Variants in MAST4 observed in about 807,000 individuals in gnomAD.
MAST4 encodes the protein microtubule associated serine/threonine kinase family member 4, also known as microtubule-associated serine/threonine-protein kinase 4.
MAST4 carries 89 observed loss-of-function variants against 162.7 expected under a neutral mutation model. The observed-to-expected ratio is 0.55, with a 90% CI of 0.46 to 0.65. The LOEUF is 0.65. MAST4 is among the 30% of genes least tolerant of loss of function. The pLI, the probability that MAST4 is intolerant of heterozygous loss-of-function variation, is 0.00. For missense variants in MAST4, 3,153 were observed against 3,374.0 expected, an observed-to-expected ratio of 0.93 and a Z score of 1.62; for synonymous variants, 1,479 against 1,361.1, an observed-to-expected ratio of 1.09 and a Z score of -1.91.
chr5:66,862,261 C>T (rs1760173629), intron 3 of MAST4, among the ~76,000 whole-genome samples: 1 of 152,174 alleles, frequency 6.6e-6, no homozygotes, highest in South Asian at 2.1e-4. Flanking sequence ...ATTTCCCCGC[C>T]AAATTTCCCA....
At chr5:66,645,937 T>A (rs1307680502) in intron 1 of MAST4, among the ~76,000 whole-genome samples, 2 of 152,206 alleles carry the variant, frequency 1.3e-5, no homozygotes, top group African/African-American at 4.8e-5. Context: ...TTTAAAACAT[T>A]TTAGACAGAA....
At chr5:66,875,397 C>A (rs1236589556) in intron 3 of MAST4, among the ~76,000 whole-genome samples, 1 of 152,026 alleles carries the variant, frequency 6.6e-6, no homozygotes, top group Non-Finnish European at 1.5e-5. Flanking sequence ...TATCTTTGGT[C>A]CTAACTAAAA....
intron 1 of MAST4, among the ~76,000 whole-genome samples, chr5:66,753,676 C>A (rs1395003285): frequency 2.7e-5 from 4 of 150,936 alleles, no homozygotes; most frequent in Admixed American, 6.6e-5. Context: ...ACCAACCAAA[C>A]AGAGTCCAGG....
intron 1 of MAST4, among the ~76,000 whole-genome samples, chr5:66,704,209 G>T (rs559636647): frequency 1.3e-5 from 2 of 152,194 alleles, no homozygotes; most frequent in East Asian, 1.9e-4. Context: ...AGTACACACC[G>T]TTGGGTTGAC....
chr5:66,914,729 A>G (rs1561440779), intron 4 of MAST4, among the ~76,000 whole-genome samples: 1 of 152,166 alleles, frequency 6.6e-6, no homozygotes, highest in East Asian at 1.9e-4. Flanking sequence ...CTTATCTAGG[A>G]CAGTGGGTCT....
chr5:67,034,664 T>A (rs1483253219), intron 4 of MAST4, among the ~76,000 whole-genome samples: 1 of 152,212 alleles, frequency 6.6e-6, no homozygotes, highest in Non-Finnish European at 1.5e-5. Context: ...GTAAGTTTTC[T>A]GCAAATTGGA....
At chr5:67,140,760 T>C (rs1770282291) in intron 19 of MAST4, among the ~76,000 whole-genome samples, 2 of 152,260 alleles carry the variant, frequency 1.3e-5, no homozygotes, top group Non-Finnish European at 2.9e-5. Context: ...ATCTGTCCTG[T>C]AGTATCTAGT....
intron 4 of MAST4, among the ~76,000 whole-genome samples, chr5:66,951,598 ATGTGTGTG>A (rs59043309): frequency 0.037 from 4,513 of 122,374 alleles, 79 homozygotes; most frequent in Non-Finnish European, 0.049. Flanking sequence ...CTCCCATGAT[ATGTGTGTG>A]TGTGTGTGTG....
At chr5:67,011,980 A>G (rs1468595911) in intron 4 of MAST4, among the ~76,000 whole-genome samples, 1 of 151,734 alleles carries the variant, frequency 6.6e-6, no homozygotes, top group Non-Finnish European at 1.5e-5. Flanking sequence ...ATGGGGAGGC[A>G]TGGTCTATTC....
chr5:66,937,572 A>G (rs1383656400), intron 4 of MAST4, among the ~76,000 whole-genome samples: 1 of 152,128 alleles, frequency 6.6e-6, no homozygotes, highest in Non-Finnish European at 1.5e-5. Context: ...TTCTTTAGCC[A>G]TTACTACACT....
At chr5:67,020,305 A>T (rs1162600566) in intron 4 of MAST4, among the ~76,000 whole-genome samples, 1 of 152,188 alleles carries the variant, frequency 6.6e-6, no homozygotes, top group Non-Finnish European at 1.5e-5. Context: ...TATAAATGTC[A>T]ATGAGGTTGT....
chr5:67,096,424 A>C (rs1053238643), intron 7 of MAST4, among the ~76,000 whole-genome samples: 5 of 152,298 alleles, frequency 3.3e-5, no homozygotes, highest in African/African-American at 9.6e-5. Flanking sequence ...GCAGGTGTTC[A>C]ATATATGGAG....
At chr5:66,953,622 C>T (rs767796183) in intron 4 of MAST4, among the ~76,000 whole-genome samples, 16 of 152,026 alleles carry the variant, frequency 1.1e-4, no homozygotes, top group South Asian at 2.1e-4. Flanking sequence ...TAATATTCCC[C>T]GAGAAGAAAT....
chr5:66,937,239 A>G (rs1243306629), intron 4 of MAST4, among the ~76,000 whole-genome samples: 1 of 152,198 alleles, frequency 6.6e-6, no homozygotes, highest in East Asian at 1.9e-4. Context: ...GGCCCCTTCT[A>G]AACTTCATAA....
Position 66,682,945 on chromosome 5 carries a change from G to C in MAST4, c.364-76764G>C, listed in dbSNP as rs117203091. On this transcript the variant is annotated intron_variant, in intron 1 of 28. Coordinates refer to ENST00000403625, the MANE Select transcript of MAST4 (RefSeq NM_001164664.2). Reference sequence around the variant, plus strand: ...TTGTATTGTAGATTGTTCTTTGGCTGTCCTCTTGGCTGGTGGTAATGAGGA... The same window carrying C: ...TTGTATTGTAGATTGTTCTTTGGCTCTCCTCTTGGCTGGTGGTAATGAGGA... Among the ~76,000 whole-genome samples, 88 of 152,314 alleles carry C rather than the reference G, an allele frequency of 5.8e-4. 2 individuals are homozygous for C. In the East Asian group the frequency reaches 0.014, roughly 25 times the overall value.
intron 1 of MAST4, among the ~76,000 whole-genome samples, chr5:66,700,559 C>T (rs1409027674): frequency 6.6e-6 from 1 of 151,956 alleles, no homozygotes; most frequent in Non-Finnish European, 1.5e-5. Flanking sequence ...TAGTGGGCAC[C>T]TGTAATCCCA....
chr5:66,708,051 G>A (rs188133277), intron 1 of MAST4, among the ~76,000 whole-genome samples: 13 of 152,268 alleles, frequency 8.5e-5, no homozygotes, highest in Non-Finnish European at 1.5e-4. Context: ...TGGTAGGTCC[G>A]TTTTAGAGAA....
chr5:66,608,461 A>G (rs756213724), intron 1 of MAST4, among the ~76,000 whole-genome samples: 2 of 141,532 alleles, frequency 1.4e-5, no homozygotes, highest in African/African-American at 5.4e-5. Context: ...CATGAATTCT[A>G]CCTTTCAGAT....
chr5:67,099,060 A>G (rs1160297240), intron 7 of MAST4, among the ~76,000 whole-genome samples: 1 of 152,098 alleles, frequency 6.6e-6, no homozygotes, highest in Admixed American at 6.6e-5. Flanking sequence ...GATTGTGGAC[A>G]TTGATTTACC....
Sources: gnomAD v4.1 joint callset for allele counts (sites outside exome capture counted in the v4.1 genomes callset) on GRCh38, gnomAD v4.1.1 for gene constraint, MANE v1.5 for transcripts, NCBI Gene and HGNC (gene_info 2026-07-23, HGNC 2026-07-21) for gene names.